PTPRN2: variants seen among roughly 807,000 people sequenced by gnomAD.
PTPRN2 encodes the protein protein tyrosine phosphatase receptor type N2, also known as receptor-type tyrosine-protein phosphatase N2.
PTPRN2 carries 74 observed loss-of-function variants against 118.8 expected under a neutral mutation model. The ratio of observed to expected loss-of-function variants is 0.62; its 90% CI spans 0.52 to 0.76. The LOEUF is 0.76. PTPRN2 is among the 30% of genes least tolerant of loss of function. PTPRN2 has a pLI of 0.00. For synonymous variants in PTPRN2, 641 were observed against 608.0 expected, an observed-to-expected ratio of 1.05 and a Z score of -0.80; for missense variants, 1,481 against 1,394.4, an observed-to-expected ratio of 1.06 and a Z score of -0.99.
chr7:157,692,402 T>C (rs937908079), intron 12 of PTPRN2, among the ~76,000 whole-genome samples: 10 of 152,188 alleles, frequency 6.6e-5, no homozygotes, highest in African/African-American at 1.9e-4. Flanking sequence ...TGCCTGGCGC[T>C]TTTCTCTCAC....
chr7:157,873,814 G>A (rs1447094187), intron 12 of PTPRN2, among the ~76,000 whole-genome samples: 1 of 152,174 alleles, frequency 6.6e-6, no homozygotes, highest in Non-Finnish European at 1.5e-5. Context: ...TGGGGGCACA[G>A]GTCAGCAGGG....
At chr7:157,982,712 T>G (rs1238325672) in intron 11 of PTPRN2, among the ~76,000 whole-genome samples, 2 of 80,492 alleles carry the variant, frequency 2.5e-5, no homozygotes, top group African/African-American at 5.1e-5. Flanking sequence ...GAGTACCGGG[T>G]TCCCCCCTAA....
intron 8 of PTPRN2, among the ~76,000 whole-genome samples, chr7:158,136,020 C>T (rs919003952): frequency 6.6e-6 from 1 of 152,184 alleles, no homozygotes. Flanking sequence ...GTGTCTAGCT[C>T]GTGGACATCG....
chr7:158,133,433 T>C (rs1216956913), intron 9 of PTPRN2, among the ~76,000 whole-genome samples: 1 of 152,210 alleles, frequency 6.6e-6, no homozygotes, highest in Non-Finnish European at 1.5e-5. Flanking sequence ...TTGGTTTTGT[T>C]TGATGCCCTT....
chr7:158,557,022 ACGCAGGTCAGAGGGCTCCCG>A (rs1827066763), intron 1 of PTPRN2, among the ~76,000 whole-genome samples: 2 of 107,130 alleles, frequency 1.9e-5, no homozygotes, highest in Admixed American at 1.9e-4. Flanking sequence ...GGTCGCTCCC[ACGCAGGTCAGAGGGCTCCCG>A]CGCAGGTCAC....
chr7:157,573,103 C>T (rs1055573410), intron 19 of PTPRN2, among the ~76,000 whole-genome samples: 1 of 152,236 alleles, frequency 6.6e-6, no homozygotes, highest in African/African-American at 2.4e-5. Flanking sequence ...GGCTGTAAAG[C>T]ATCGAGGGCT....
rs150733550 is a variant in PTPRN2 at position 157,631,341 on chromosome 7, T to C, written c.2197-9832A>G. Among the ~76,000 whole-genome samples the C allele has an allele frequency of 3.1e-3, 477 of 152,294 alleles. 5 individuals are homozygous for C. The Middle Eastern group carries it at 0.058, about 18-fold the overall frequency. ...ACAAAGCGTAGAAGGGGAAACAACG[T>C]GTGGTGCGTGTTGGTTTTGAGACCG... On this transcript the variant is annotated intron_variant, in intron 14 of 22. Coordinates refer to ENST00000389418, the MANE Select transcript of PTPRN2 (RefSeq NM_002847.5).
intron 6 of PTPRN2, among the ~76,000 whole-genome samples, chr7:158,149,151 C>G (rs1407154639): frequency 1.3e-5 from 2 of 150,904 alleles, no homozygotes; most frequent in Admixed American, 6.6e-5. Context: ...CGTGTCTTTC[C>G]CCCTCAGTGA....
intron 2 of PTPRN2, among the ~76,000 whole-genome samples, chr7:158,441,646 A>ATAGTGATGGTGATGGTGG (rs1817263737): frequency 4.3e-5 from 3 of 69,648 alleles, no homozygotes; most frequent in Admixed American, 1.4e-4. Flanking sequence ...GGTGATGGCA[A>ATAGTGATGGTGATGGTGG]TGGTGGTGAT....
intron 3 of PTPRN2, among the ~76,000 whole-genome samples, chr7:158,227,347 C>G (rs1373028142): frequency 6.6e-6 from 1 of 152,032 alleles, no homozygotes; most frequent in Non-Finnish European, 1.5e-5. Flanking sequence ...TCATTTCAAA[C>G]GCGGTAATAC....
At position 158,316,812 on chromosome 7, in the gene PTPRN2, GC is replaced by G; in HGVS notation, c.277+6del. 4 of 1,591,804 alleles carry G rather than the reference GC, an allele frequency of 2.5e-6. No homozygotes were observed. The highest frequency in any genetic ancestry group is 3.4e-6 in the Non-Finnish European group (4 of 1,173,784). ...AGCCGCCGAGCCTCGGCCCACGCCC[GC>G]CCTACCTGTGCCGGAAAGCTTCTGC... On this transcript the variant is annotated splice_donor_region_variant and intron_variant, in intron 3 of 22. Coordinates refer to ENST00000389418, the MANE Select transcript of PTPRN2 (RefSeq NM_002847.5).
At chr7:157,828,850 T>C (rs956020330) in intron 12 of PTPRN2, among the ~76,000 whole-genome samples, 3 of 152,244 alleles carry the variant, frequency 2.0e-5, no homozygotes, top group African/African-American at 7.2e-5. Flanking sequence ...CTCAGTTTTA[T>C]TTGCGTAACC....
chr7:158,211,311 T>C lies in PTPRN2; in HGVS notation c.278-6038A>G, dbSNP rs1159385385. ...CATGAGCACAGGCAGCCAAAGCAAC[T>C]TGAGTAATGCTCCACAAGCACAGGC... On this transcript the variant is annotated intron_variant, in intron 3 of 22. Transcript: ENST00000389418. Among the ~76,000 whole-genome samples, 6 of 152,154 alleles carry C rather than the reference T, an allele frequency of 3.9e-5. No homozygotes were observed. The East Asian group carries it at 1.2e-3, about 29-fold the overall frequency.
chr7:158,091,877 G>A (rs190748438), intron 10 of PTPRN2, among the ~76,000 whole-genome samples: 322 of 10,918 alleles, frequency 0.029, 1 homozygote, highest in Non-Finnish European at 0.05. Context: ...TGGGTGGGTG[G>A]GTGAGTGAGG....
chr7:158,459,399 C>T (rs1456437642), intron 2 of PTPRN2, among the ~76,000 whole-genome samples: 1 of 150,944 alleles, frequency 6.6e-6, no homozygotes, highest in Non-Finnish European at 1.5e-5. Context: ...AATCCAGAGC[C>T]CTCGCCTGGG....
rs573628290 is a variant in PTPRN2 at position 157,698,974 on chromosome 7, G to A, written c.1789-16037C>T. Among the ~76,000 whole-genome samples, 4 of 152,326 alleles carry A rather than the reference G, an allele frequency of 2.6e-5. No homozygotes were observed. In the South Asian group the frequency reaches 8.3e-4, roughly 32 times the overall value. ...GAAAATGGCTAAATAGTGCCATTAT[G>A]TTCAGATGAAAGGAAACAAGATAAT... On this transcript the variant is annotated intron_variant, in intron 12 of 22. Coordinates refer to ENST00000389418, the MANE Select transcript of PTPRN2 (RefSeq NM_002847.5).
At chr7:157,979,347 T>G (rs1377505201) in intron 11 of PTPRN2, among the ~76,000 whole-genome samples, 1 of 152,246 alleles carries the variant, frequency 6.6e-6, no homozygotes, top group Non-Finnish European at 1.5e-5. Flanking sequence ...CTTTAATCCA[T>G]GGTTTTCTCT....
chr7:158,415,806 T>C (rs1482299552), intron 2 of PTPRN2, among the ~76,000 whole-genome samples: 1 of 152,134 alleles, frequency 6.6e-6, no homozygotes, highest in Non-Finnish European at 1.5e-5. Context: ...ACAAATCAGG[T>C]GATTTAGCCT....
At chr7:157,969,134 T>TC (rs398048222) in intron 11 of PTPRN2, among the ~76,000 whole-genome samples, 6 of 152,068 alleles carry the variant, frequency 3.9e-5, no homozygotes, top group South Asian at 2.1e-4. Context: ...CTTTTTTTTT[T>TC]CATCTTGCTC....
Sources: gnomAD v4.1 joint callset for allele counts (sites outside exome capture counted in the v4.1 genomes callset) on GRCh38, gnomAD v4.1.1 for gene constraint, MANE v1.5 for transcripts, NCBI Gene and HGNC (gene_info 2026-07-23, HGNC 2026-07-21) for gene names.